Variants in NYAP2 observed in about 807,000 individuals in gnomAD.
NYAP2 encodes neuronal tyrosine-phosphorylated phosphoinositide-3-kinase adapter 2.
NYAP2 carries 23 observed loss-of-function variants against 50.4 expected under a neutral mutation model. The observed-to-expected ratio is 0.46, with a 90% CI of 0.33 to 0.65. The LOEUF (loss-of-function observed/expected upper bound fraction) is 0.65, where lower values mean the gene tolerates loss of function less well. NYAP2 is among the 30% of genes least tolerant of loss of function. The probability of loss-of-function intolerance (pLI) is 0.02; values close to 1 mark genes in which losing one functional copy is unlikely to be tolerated. For missense variants in NYAP2, 885 were observed against 861.0 expected (o/e 1.03, Z -0.35); for synonymous variants, 394 against 365.2 (o/e 1.08, Z -0.90).
chr2:225,538,830 CTTTCTTTCTTTCTTTCTTTG>C (rs1350130135), intron 4 of NYAP2, among the ~76,000 whole-genome samples: 1,466 of 68,806 alleles, frequency 0.021, 74 homozygotes, highest in African/African-American at 0.069. Flanking sequence ...TTCTTTCTTT[CTTTCTTTCTTTCTTTCTTTG>C]TTTTTATTAT....
exon 4 of NYAP2, chr2:225,513,629 C>T: frequency 6.5e-7 from 1 of 1,532,224 alleles, no homozygotes; most frequent in East Asian, 2.3e-5. Context: ...CAGTCAGCAG[C>T]ACTGCAGCCA....
At chr2:225,568,631 A>T (rs1369636263) in intron 4 of NYAP2, among the ~76,000 whole-genome samples, 1 of 152,214 alleles carries the variant, frequency 6.6e-6, no homozygotes, top group Admixed American at 6.5e-5. Context: ...TTTAGCTAAG[A>T]TCAAGACAGA....
chr2:225,553,390 TC>T (rs1333764021), intron 4 of NYAP2, among the ~76,000 whole-genome samples: 1 of 152,158 alleles, frequency 6.6e-6, no homozygotes, highest in African/African-American at 2.4e-5. Context: ...GAGTCCCAAC[TC>T]CAGAATCACA....
chr2:225,656,596 C>T (rs1693830788), downstream of NYAP2, among the ~76,000 whole-genome samples: 1 of 152,156 alleles, frequency 6.6e-6, no homozygotes, highest in Non-Finnish European at 1.5e-5. Context: ...GATAAGGGAA[C>T]ATGTTAGGGG....
chr2:225,648,565 A>G lies in NYAP2; in HGVS notation c.1829-2867A>G, dbSNP rs142112460. 4.5e-3 allele frequency among the ~76,000 whole-genome samples: 682 copies of G among 151,836 alleles called. 3 individuals carry two copies. The highest frequency in any genetic ancestry group is 0.015 in the African/African-American group (640 of 41,494). On this transcript the variant is annotated intron_variant, in intron 6 of 6. Coordinates refer to ENST00000636099, the Ensembl canonical transcript of NYAP2. ...AACTATAAGAGCCATTGCAAGGGGG[A>G]AAAAAAGCAAATTCCAACAGGACTA...
At chr2:225,526,865 A>G (rs1691160571) in intron 4 of NYAP2, among the ~76,000 whole-genome samples, 1 of 152,170 alleles carries the variant, frequency 6.6e-6, no homozygotes, top group Non-Finnish European at 1.5e-5. Context: ...CTGAAGGCCC[A>G]CATTCCTGGA....
intron 4 of NYAP2, among the ~76,000 whole-genome samples, chr2:225,538,920 C>T (rs753484473): frequency 2.6e-5 from 4 of 151,168 alleles, no homozygotes; most frequent in East Asian, 1.9e-4. Flanking sequence ...TAGGTATACA[C>T]GTGCCATGGT....
chr2:225,468,827 A>G (rs1388931880), intron 3 of NYAP2, among the ~76,000 whole-genome samples: 1 of 152,218 alleles, frequency 6.6e-6, no homozygotes, highest in African/African-American at 2.4e-5. Context: ...TCTAATTGTG[A>G]TAATGATTCT....
chr2:225,466,987 C>G (rs549819237), intron 3 of NYAP2, among the ~76,000 whole-genome samples: 2 of 152,274 alleles, frequency 1.3e-5, no homozygotes, highest in East Asian at 3.9e-4. Context: ...AAGTGGGTGA[C>G]TTGAAAGACA....
At chr2:225,602,967 T>C (rs1279099658) in intron 5 of NYAP2, among the ~76,000 whole-genome samples, 1 of 152,130 alleles carries the variant, frequency 6.6e-6, no homozygotes, top group Non-Finnish European at 1.5e-5. Context: ...TTAGAATGGA[T>C]GTTTTTATTT....
intron 4 of NYAP2, among the ~76,000 whole-genome samples, chr2:225,580,589 A>G (rs1692254845): frequency 6.6e-6 from 1 of 152,220 alleles, no homozygotes; most frequent in African/African-American, 2.4e-5. Flanking sequence ...GGAACAAAAT[A>G]TTTGAAACAG....
At chr2:225,673,172 G>T in the NYAP2 span, among the ~76,000 whole-genome samples, 1 of 151,946 alleles carries the variant, frequency 6.6e-6, no homozygotes, top group African/African-American at 2.4e-5. Context: ...GGAACCATCG[G>T]ACCTGGTGAG....
chr2:225,615,877 C>A (rs533711109), intron 5 of NYAP2, among the ~76,000 whole-genome samples: 2 of 152,160 alleles, frequency 1.3e-5, no homozygotes, highest in East Asian at 3.9e-4. Context: ...GCCTCCACCA[C>A]GAAAGAGCAT....
chr2:225,513,751 C>A lies in NYAP2; in HGVS notation c.523+79C>A, dbSNP rs976991477. 6.0e-6 allele frequency: 7 copies of A among 1,162,852 alleles called. No homozygotes were observed. The African/African-American group carries it at 1.1e-4, about 18-fold the overall frequency. 72.0% of individuals were successfully genotyped at this position (1,162,852 alleles called of 1,614,324 possible). ...AGGTCAGCATGCCCAGGGGCAAGTG[C>A]CTTCTTCACTGGGCCACATAATCCT... is the stretch of plus-strand genomic sequence containing the variant. On this transcript the variant is annotated intron_variant, in intron 4 of 6. Transcript: ENST00000636099.
the NYAP2 span, among the ~76,000 whole-genome samples, chr2:225,690,333 T>C: frequency 6.6e-6 from 1 of 152,070 alleles, no homozygotes; most frequent in Non-Finnish European, 1.5e-5. Context: ...AAGGAAGCAA[T>C]TTTATTACTG....
chr2:225,517,293 A>G (rs192572227), intron 4 of NYAP2, among the ~76,000 whole-genome samples: 42 of 152,270 alleles, frequency 2.8e-4, no homozygotes, highest in African/African-American at 9.4e-4. Context: ...TTGAGGAAAG[A>G]TTAGATGATC....
At chr2:225,498,739 G>A (rs1017456084) in intron 3 of NYAP2, among the ~76,000 whole-genome samples, 3 of 152,060 alleles carry the variant, frequency 2.0e-5, no homozygotes, top group East Asian at 1.9e-4. Flanking sequence ...AGGAAGAATC[G>A]GTTGACAGTT....
intron 6 of NYAP2, among the ~76,000 whole-genome samples, chr2:225,628,475 C>A (rs2106258759): frequency 6.6e-6 from 1 of 152,038 alleles, no homozygotes; most frequent in East Asian, 1.9e-4. Flanking sequence ...GTGCCCACCA[C>A]CACGCCCAGC....
rs148671358 is a variant in NYAP2, at chr2:225,419,612, C to G, written c.221+10511C>G. 2.5e-3 allele frequency among the ~76,000 whole-genome samples: 383 copies of G among 152,204 alleles called. 2 individuals carry two copies. Among genetic ancestry groups the G allele is most frequent in the Non-Finnish European group, 4.7e-3 (320 of 68,016 alleles). ...AAATAACAATCTTCATTTTGTTGAG[C>G]TGTTAAAAGAAAGAAAAGATACAAC... On this transcript the variant is annotated intron_variant, in intron 3 of 6. Coordinates refer to ENST00000636099, the Ensembl canonical transcript of NYAP2.
Sources: gnomAD v4.1 joint callset for allele counts (sites outside exome capture counted in the v4.1 genomes callset) on GRCh38, gnomAD v4.1.1 for gene constraint, MANE v1.5 for transcripts, NCBI Gene and HGNC (gene_info 2026-07-23, HGNC 2026-07-21) for gene names.